TAPT1: variants seen among roughly 807,000 people sequenced by gnomAD.
TAPT1 encodes the protein transmembrane anterior posterior transformation 1.
TAPT1 carries 28 observed loss-of-function variants against 65.6 expected under a neutral mutation model. That is an observed-to-expected ratio of 0.43 (90% confidence interval 0.32 to 0.59). The LOEUF (loss-of-function observed/expected upper bound fraction) is 0.59. Ranked by LOEUF, TAPT1 falls within the 20% of genes least tolerant of loss-of-function variation. The pLI is 0.09. For missense variants in TAPT1, 563 were observed against 679.9 expected, an observed-to-expected ratio of 0.83 and a Z score of 1.91; for synonymous variants, 278 against 245.2, an observed-to-expected ratio of 1.13 and a Z score of -1.25.
rs769946504 is a variant in TAPT1, at chr4:16,186,812, T to C, written c.815A>G (p.Lys272Arg). The stretch of plus-strand genomic sequence containing the variant: ...AGACATCATGATAGTAAGCAAAGAC[T>C]TGTTGTGTGAGTTAAAAGCTACATT... ...TLNVAFNSHNKSLLTIMMSNN... is the reference protein window; with the variant it reads ...TLNVAFNSHNRSLLTIMMSNN... The change falls in exon 6 of 14, where the codon AAG becomes AGG. Residue 272 changes from lysine to arginine, a missense_variant. Physicochemically the swap from Lys to Arg is conservative, Grantham distance 26. Around this residue, in one of 5 missense-constraint regions of TAPT1, gnomAD observed 217 missense variants for 317.5 expected, o/e 0.68. Coordinates refer to ENST00000405303, the MANE Select transcript of TAPT1 (RefSeq NM_153365.3). 4.1e-5 allele frequency: 66 copies of C among 1,610,598 alleles called. No individual in the cohort carries two copies. Among genetic ancestry groups the C allele is most frequent in the Non-Finnish European group, 5.5e-5 (65 of 1,177,308 alleles).
chr4:16,166,308 G>C (rs1425183888), intron 13 of TAPT1, among the ~76,000 whole-genome samples: 3 of 152,238 alleles, frequency 2.0e-5, no homozygotes, highest in Non-Finnish European at 2.9e-5. Flanking sequence ...ACTTGACATA[G>C]TGCATATTTA....
At chr4:16,224,934 T>C (rs1751458891) in intron 1 of TAPT1, among the ~76,000 whole-genome samples, 1 of 152,252 alleles carries the variant, frequency 6.6e-6, no homozygotes, top group Non-Finnish European at 1.5e-5. Context: ...AAAGAAAGTA[T>C]AGTGAAGCCT....
chr4:16,223,261 T>C (rs1440694148), intron 1 of TAPT1, among the ~76,000 whole-genome samples: 1 of 152,228 alleles, frequency 6.6e-6, no homozygotes, highest in Non-Finnish European at 1.5e-5. Flanking sequence ...AATAAAAATA[T>C]GGCTATACAG....
chr4:16,164,863 GA>G (rs1356247905), intron 13 of TAPT1, among the ~76,000 whole-genome samples: 1 of 152,126 alleles, frequency 6.6e-6, no homozygotes, highest in Non-Finnish European at 1.5e-5. Flanking sequence ...ATTTCCCAGT[GA>G]TTATACACAT....
intron 1 of TAPT1, among the ~76,000 whole-genome samples, chr4:16,222,892 T>C (rs968003489): frequency 1.3e-5 from 2 of 152,192 alleles, no homozygotes; most frequent in African/African-American, 4.8e-5. Flanking sequence ...CTGTTACCAG[T>C]AGAAACAATA....
intron 2 of TAPT1, among the ~76,000 whole-genome samples, chr4:16,213,064 C>T (rs556957679): frequency 1.0e-3 from 158 of 152,338 alleles, no homozygotes; most frequent in South Asian, 1.9e-3. Context: ...TACGTTACTA[C>T]AGAAGTATGA....
chr4:16,222,313 T>G (rs901776808), intron 1 of TAPT1, among the ~76,000 whole-genome samples: 2 of 152,248 alleles, frequency 1.3e-5, no homozygotes, highest in African/African-American at 4.8e-5. Flanking sequence ...TTGGTCTATA[T>G]ATACTAATTA....
intron 7 of TAPT1, among the ~76,000 whole-genome samples, chr4:16,185,203 G>T (rs1029504953): frequency 1.3e-5 from 2 of 151,554 alleles, no homozygotes; most frequent in Non-Finnish European, 2.9e-5. Flanking sequence ...ATTACTTGTT[G>T]AGAAACTCTT....
At chr4:16,175,952 T>C (rs999067248) in intron 9 of TAPT1, among the ~76,000 whole-genome samples, 167 bp downstream of exon 9, 10 of 152,196 alleles carry the variant, frequency 6.6e-5, no homozygotes, top group African/African-American at 2.4e-4. Context: ...GGAATTATCA[T>C]TGCCTAATAT....
intron 13 of TAPT1, among the ~76,000 whole-genome samples, chr4:16,164,694 G>A (rs765279442): frequency 2.0e-5 from 3 of 152,116 alleles, no homozygotes; most frequent in Non-Finnish European, 4.4e-5. Flanking sequence ...GCCTCCCAAA[G>A]TGCTGGGATT....
At chr4:16,182,228 AAAAG>A (rs928228085) in intron 7 of TAPT1, among the ~76,000 whole-genome samples, 37 of 152,332 alleles carry the variant, frequency 2.4e-4, no homozygotes, top group African/African-American at 8.9e-4. Flanking sequence ...GTAAGATATA[AAAAG>A]AAATAAAATT....
intron 2 of TAPT1, among the ~76,000 whole-genome samples, chr4:16,211,522 T>A (rs1750653321): frequency 1.3e-5 from 2 of 152,190 alleles, no homozygotes; most frequent in Non-Finnish European, 2.9e-5. Context: ...AAAATCATGA[T>A]GTTCTTTTGT....
chr4:16,166,071 C>T (rs968914064), intron 13 of TAPT1, among the ~76,000 whole-genome samples: 1 of 152,308 alleles, frequency 6.6e-6, no homozygotes, highest in Non-Finnish European at 1.5e-5. Flanking sequence ...GCCACTGCAG[C>T]CATCTGGCTT....
chr4:16,169,543 T>C (rs963552329), intron 12 of TAPT1, among the ~76,000 whole-genome samples: 3 of 152,208 alleles, frequency 2.0e-5, no homozygotes, highest in South Asian at 2.1e-4. Context: ...ACCATTTACA[T>C]ACTCATTCAA....
intron 7 of TAPT1, among the ~76,000 whole-genome samples, chr4:16,181,312 A>G (rs1304870016): frequency 6.6e-6 from 1 of 152,214 alleles, no homozygotes; most frequent in Non-Finnish European, 1.5e-5. Flanking sequence ...TACTTCCCAA[A>G]CATGTATAAT....
chr4:16,184,244 A>G (rs781216595), intron 7 of TAPT1, among the ~76,000 whole-genome samples: 2 of 152,166 alleles, frequency 1.3e-5, no homozygotes, highest in African/African-American at 2.4e-5. Flanking sequence ...CTGATCATAA[A>G]CTTCATATAA....
intron 12 of TAPT1, 41 bp from the exon 13 acceptor site, chr4:16,166,834 A>T: frequency 6.2e-7 from 1 of 1,601,972 alleles, no homozygotes; most frequent in Non-Finnish European, 8.5e-7. Flanking sequence ...GTTGGAATTC[A>T]TCTAAATCCC....
intron 8 of TAPT1, among the ~76,000 whole-genome samples, chr4:16,177,099 A>G (rs1031241368): frequency 2.0e-5 from 3 of 152,238 alleles, no homozygotes; most frequent in Admixed American, 6.5e-5. Flanking sequence ...CATAGTTTAC[A>G]ATAATCTACT....
In TAPT1 at chr4:16,202,527, G is replaced by T; in HGVS notation, c.384C>A (p.Thr128=). 6.4e-7 allele frequency: 1 copy of T among 1,552,262 alleles called. No homozygotes were observed. The highest frequency in any genetic ancestry group is 1.2e-5 in the South Asian group (1 of 83,780). ...CCAGGAAAACTCTTAAAGGAAGCAG[G>T]GTGAACACATACAAAAACGCATCCA... The part of the protein sequence containing the change: ...LCLDAFLYVF[T]LLPLRVFLAL... The change falls in exon 3 of 14, where the codon ACC becomes ACA. Residue 128 remains threonine (T), a synonymous_variant. Transcript: ENST00000405303.
Sources: gnomAD v4.1 joint callset for allele counts (sites outside exome capture counted in the v4.1 genomes callset) on GRCh38, gnomAD v4.1.1 for gene constraint, gnomAD v4.1.1 regional missense constraint, MANE v1.5 for transcripts, NCBI Gene and HGNC (gene_info 2026-07-23, HGNC 2026-07-21) for gene names.